Variants in NME7 observed in about 807,000 individuals in gnomAD.
NME7 encodes nucleoside diphosphate kinase 7.
Under a neutral mutation model 49.1 loss-of-function variants are expected in NME7, and 41 were observed. The ratio of observed to expected loss-of-function variants is 0.83; its 90% CI spans 0.65 to 1.08. The LOEUF is 1.08. NME7 is among the 50% of genes least tolerant of loss of function. The probability of loss-of-function intolerance (pLI) is 0.00; values close to 1 mark genes in which losing one functional copy is unlikely to be tolerated. For missense variants in NME7, 423 were observed against 463.4 expected, an observed-to-expected ratio of 0.91 and a Z score of 0.80; for synonymous variants, 139 against 150.6, an observed-to-expected ratio of 0.92 and a Z score of 0.56.
At chr1:169,302,327 C>T (rs1047860139) in intron 5 of NME7, 1 of 152,012 alleles carries the variant, frequency 6.6e-6, no homozygotes, top group African/African-American at 2.4e-5. Context: ...CAGCACTATA[C>T]AAAATAGCAA....
At chr1:169,354,462 A>G (rs1035232225) in intron 1 of NME7, among the ~76,000 whole-genome samples, 1 of 151,908 alleles carries the variant, frequency 6.6e-6, no homozygotes, top group Admixed American at 6.6e-5. Flanking sequence ...ATTCAATAGC[A>G]TAACAGGGTG....
intron 1 of NME7, among the ~76,000 whole-genome samples, chr1:169,346,669 A>G (rs950867976): frequency 6.6e-6 from 1 of 152,220 alleles, no homozygotes; most frequent in African/African-American, 2.4e-5. Flanking sequence ...TGCTTATTGC[A>G]TATCTGCCCC....
chr1:169,169,484 A>G lies in NME7; in HGVS notation c.1061T>C (p.Val354Ala). 1 of 1,614,088 alleles carries G rather than the reference A, an allele frequency of 6.2e-7. No individual in the cohort carries two copies. The highest frequency in any genetic ancestry group is 8.5e-7 in the Non-Finnish European group (1 of 1,179,952). Reference protein sequence around the residue: ...IFGKTKIQNAVHCTDLPEDGL... With the variant: ...IFGKTKIQNAAHCTDLPEDGL... ...ATCCTCTGGCAGATCAGTACAGTGA[A>G]CAGCATTCTGGATCTTAGTTTTACC... Residue 354 changes from valine to alanine, a missense_variant, in exon 11 of 12, where the codon GTT becomes GCT. Coordinates refer to ENST00000367811, the MANE Select transcript of NME7 (RefSeq NM_013330.5).
intron 10 of NME7, among the ~76,000 whole-genome samples, chr1:169,171,857 T>C (rs1357847721): frequency 6.6e-6 from 1 of 151,668 alleles, no homozygotes; most frequent in African/African-American, 2.4e-5. Context: ...TTGTCATAGA[T>C]GCCAGGGACA....
chr1:169,218,069 T>C (rs1240719411), intron 10 of NME7, among the ~76,000 whole-genome samples: 1 of 152,220 alleles, frequency 6.6e-6, no homozygotes, highest in Non-Finnish European at 1.5e-5. Flanking sequence ...TTAGAAATTA[T>C]GTTCTGAAAA....
At chr1:169,157,063 A>G (rs1403523997) in intron 11 of NME7, among the ~76,000 whole-genome samples, 2 of 152,182 alleles carry the variant, frequency 1.3e-5, no homozygotes, top group Non-Finnish European at 2.9e-5. Flanking sequence ...TTGATACATA[A>G]TAATTGTTCA....
chr1:169,263,079 A>T (rs74990329), intron 7 of NME7, among the ~76,000 whole-genome samples: 15,680 of 131,302 alleles, frequency 0.12, 4,325 homozygotes, highest in Admixed American at 0.25. Flanking sequence ...GGCATCAAAT[A>T]AAAAAAAAGC....
At position 169,275,720 on chromosome 1, in the gene NME7, A is replaced by G. The variant is rs1273920683; in HGVS notation, c.754+11583T>C. ...TGCCCTGGCCAGAACTTCCAACACTATGTTGAATAGGAGTGGTGAGAGAGG... is the reference window on the plus strand; with the variant it reads ...TGCCCTGGCCAGAACTTCCAACACTGTGTTGAATAGGAGTGGTGAGAGAGG... On this transcript the variant is annotated intron_variant, in intron 7 of 11. Coordinates refer to ENST00000367811, the MANE Select transcript of NME7 (RefSeq NM_013330.5). 3.0e-5 allele frequency among the ~76,000 whole-genome samples: 4 copies of G among 131,542 alleles called. 1 individual carries two copies. Among genetic ancestry groups the G allele is most frequent in the Non-Finnish European group, 5.3e-5 (3 of 56,212 alleles). The allele number at this position is 131,542 out of a possible 152,430, so 86.3% of individuals were successfully genotyped here.
intron 10 of NME7, among the ~76,000 whole-genome samples, chr1:169,182,305 T>A (rs575934697): frequency 5.3e-5 from 8 of 152,264 alleles, no homozygotes; most frequent in Admixed American, 3.3e-4. Flanking sequence ...TGAGCTATAA[T>A]GTGCCTGGCC....
intron 11 of NME7, among the ~76,000 whole-genome samples, chr1:169,143,882 ATTTT>A (rs956089268): frequency 6.6e-6 from 1 of 151,548 alleles, no homozygotes; most frequent in African/African-American, 2.4e-5. Context: ...ATTCTCAACA[ATTTT>A]TTTTTATTGT....
intron 10 of NME7, among the ~76,000 whole-genome samples, chr1:169,193,925 C>A (rs1310473028): frequency 6.6e-6 from 1 of 150,848 alleles, no homozygotes; most frequent in African/African-American, 2.4e-5. Flanking sequence ...ATAGTGAATG[C>A]AGCCAAAGAG....
At position 169,343,351 on chromosome 1, in the gene NME7, T is replaced by C. The variant is rs114538500; in HGVS notation, c.4-18851A>G. Among the ~76,000 whole-genome samples the C allele has an allele frequency of 5.6e-3, 856 of 152,234 alleles. 5 individuals carry two copies. Among genetic ancestry groups the C allele is most frequent in the African/African-American group, 0.02 (822 of 41,526 alleles). On this transcript the variant is annotated intron_variant, in intron 1 of 11. Coordinates refer to ENST00000367811, the MANE Select transcript of NME7 (RefSeq NM_013330.5). ...TAGATATATAATTGCCCTAGCACCA[T>C]CTGTTGAAAAGACTACTCCTCATTG...
intron 10 of NME7, among the ~76,000 whole-genome samples, chr1:169,209,730 T>C (rs1660762603): frequency 6.6e-6 from 1 of 152,148 alleles, no homozygotes. Flanking sequence ...CTAGTTAATG[T>C]GGCCTTCATA....
intron 11 of NME7, among the ~76,000 whole-genome samples, chr1:169,147,732 T>C (rs1658799828): frequency 6.6e-6 from 1 of 152,248 alleles, no homozygotes; most frequent in Admixed American, 6.5e-5. Flanking sequence ...AGTAAGCATT[T>C]GCCCAATATG....
intron 11 of NME7, among the ~76,000 whole-genome samples, chr1:169,135,948 A>T (rs934511098): frequency 1.3e-5 from 2 of 152,142 alleles, no homozygotes; most frequent in African/African-American, 2.4e-5. Flanking sequence ...ATCTGTAGCT[A>T]GCTTTATCAC....
rs546598179 is a variant in NME7 at position 169,234,905 on chromosome 1, T to C, written c.888+226A>G. Among the ~76,000 whole-genome samples, 4 of 152,258 alleles carry C rather than the reference T, an allele frequency of 2.6e-5. No individual in the cohort carries two copies. The South Asian group carries it at 8.3e-4, about 32-fold the overall frequency. On this transcript the variant is annotated intron_variant, in intron 9 of 11. Coordinates refer to ENST00000367811, the MANE Select transcript of NME7 (RefSeq NM_013330.5). ...AAAGACAGAGAAAACTTCATTATTATACCAAACAAAATTAGCCTGTTTGGG... is the reference window on the plus strand; with the variant it reads ...AAAGACAGAGAAAACTTCATTATTACACCAAACAAAATTAGCCTGTTTGGG...
At chr1:169,290,186 A>G (rs896445047) in intron 6 of NME7, among the ~76,000 whole-genome samples, 3 of 152,122 alleles carry the variant, frequency 2.0e-5, no homozygotes, top group African/African-American at 7.2e-5. Flanking sequence ...TAATTAATCT[A>G]TACTAATAAT....
Position 169,270,641 on chromosome 1 carries a change from G to A in NME7, c.754+16662C>T, listed in dbSNP as rs1239292151. The stretch of plus-strand genomic sequence containing the variant: ...GATATTAGTGGCAGCAGCAGTAGTA[G>A]TAGTAATAGAGTAGTAATCATAATA... On this transcript the variant is annotated intron_variant, in intron 7 of 11. Transcript: ENST00000367811. Among the ~76,000 whole-genome samples, 2 of 133,868 alleles carry A rather than the reference G, an allele frequency of 1.5e-5. 1 individual carries two copies. Among genetic ancestry groups the A allele is most frequent in the Non-Finnish European group, 3.5e-5 (2 of 57,016 alleles). 87.8% of individuals were successfully genotyped at this position (133,868 alleles called of 152,430 possible).
chr1:169,323,077 A>G, intron 3 of NME7, 40 bp downstream of exon 3: 1 of 1,460,670 alleles, frequency 6.8e-7, no homozygotes, highest in Non-Finnish European at 9.1e-7. Context: ...TTGAACCCAA[A>G]GTTAGAGCAT....
Sources: allele counts gnomAD v4.1 joint callset (sites outside exome capture counted in the v4.1 genomes callset), GRCh38; gene constraint gnomAD v4.1.1; transcripts MANE v1.5; gene names NCBI Gene and HGNC (gene_info 2026-07-23, HGNC 2026-07-21).